The following CASZ1 variants were observed in gnomAD, a reference collection of about 807,000 sequenced individuals.
CASZ1 encodes zinc finger protein castor homolog 1.
In CASZ1, 28 loss-of-function variants were observed where a neutral mutation model predicts 135.2. The observed-to-expected ratio is 0.21, with a 90% CI of 0.15 to 0.28. The LOEUF (loss-of-function observed/expected upper bound fraction) is 0.28. Ranked by LOEUF, CASZ1 falls within the 10% of genes least tolerant of loss-of-function variation. The pLI, the probability that CASZ1 is intolerant of heterozygous loss-of-function variation, is 1.00. For missense variants in CASZ1, 2,161 were observed against 2,453.3 expected (o/e 0.88, Z 2.52); for synonymous variants, 1,068 against 1,073.4 (o/e 0.99, Z 0.10).
chr1:10,687,509 G>GA (rs1638632358), intron 4 of CASZ1, among the ~76,000 whole-genome samples: 1 of 152,270 alleles, frequency 6.6e-6, no homozygotes, highest in Admixed American at 6.5e-5. Context: ...GCAGAGGCCT[G>GA]AAGCCCTGGC....
Position 10,709,965 on chromosome 1 carries a change from G to A in CASZ1, c.-76-4421C>T, listed in dbSNP as rs186594929. On this transcript the variant is annotated intron_variant, in intron 2 of 20. Coordinates refer to ENST00000377022, the MANE Select transcript of CASZ1 (RefSeq NM_001079843.3). The surrounding 1 kb of genome is among the most constrained non-coding windows in gnomAD (Gnocchi z 5.1). The stretch of plus-strand genomic sequence containing the variant: ...GGGTGGCTGTCCAGACCCCGGAGTC[G>A]GAGCAGGCCTCCGGATTGGCTCTGG... Among the ~76,000 whole-genome samples the A allele has an allele frequency of 1.7e-3, 264 of 152,326 alleles. 1 individual carries two copies. The East Asian group carries it at 0.049, about 28-fold the overall frequency.
intron 2 of CASZ1, among the ~76,000 whole-genome samples, chr1:10,758,146 C>T (rs928341427): frequency 2.6e-5 from 4 of 152,164 alleles, no homozygotes; most frequent in Non-Finnish European, 4.4e-5. Flanking sequence ...GCCAGGAGTG[C>T]CAAGCAGTCA....
At chr1:10,695,165 A>G (rs1362143345) in intron 3 of CASZ1, among the ~76,000 whole-genome samples, 1 of 150,944 alleles carries the variant, frequency 6.6e-6, no homozygotes, top group Non-Finnish European at 1.5e-5. Context: ...CTGGAGGAAC[A>G]GGAGCGCGGG....
In CASZ1 at chr1:10,756,463, T is replaced by C. The variant is rs1279453785; in HGVS notation, c.-77+4238A>G. On this transcript the variant is annotated intron_variant, in intron 2 of 20. Coordinates refer to ENST00000377022, the MANE Select transcript of CASZ1 (RefSeq NM_001079843.3). The surrounding 1 kb of genome is among the most constrained non-coding windows in gnomAD (Gnocchi z 5.9). ...CTCACGCGAGCCCGGCAGCCGGCTGTGACAGCTTCACGCTCGCCAACCAGG... is the reference window on the plus strand; with the variant it reads ...CTCACGCGAGCCCGGCAGCCGGCTGCGACAGCTTCACGCTCGCCAACCAGG... 1.3e-5 allele frequency among the ~76,000 whole-genome samples: 2 copies of C among 152,244 alleles called. No homozygotes were observed. The highest frequency in any genetic ancestry group is 1.5e-5 in the Non-Finnish European group (1 of 68,034).
rs1639497561 is a variant in CASZ1, at chr1:10,721,575, A to C, written c.-76-16031T>G. Among the ~76,000 whole-genome samples, 1 of 152,230 alleles carries C rather than the reference A, an allele frequency of 6.6e-6. No individual in the cohort carries two copies. Among genetic ancestry groups the C allele is most frequent in the South Asian group, 2.1e-4 (1 of 4,828 alleles). ...TGGTTCCATGCGGGCATCAAGGAGA[A>C]ACAGGGCAACTGGCTACCTGCCAGC... On this transcript the variant is annotated intron_variant, in intron 2 of 20. Coordinates refer to ENST00000377022, the MANE Select transcript of CASZ1 (RefSeq NM_001079843.3). The surrounding 1 kb of genome is among the most constrained non-coding windows in gnomAD (Gnocchi z 5.4).
chr1:10,655,194 C>CA (rs1236624064), intron 9 of CASZ1, among the ~76,000 whole-genome samples: 12 of 152,200 alleles, frequency 7.9e-5, no homozygotes, highest in African/African-American at 2.9e-4. Context: ...GAGGCCATAA[C>CA]AACTCCTGAC....
At chr1:10,691,351 A>G (rs1459714192) in intron 4 of CASZ1, among the ~76,000 whole-genome samples, 1 of 152,130 alleles carries the variant, frequency 6.6e-6, no homozygotes. Flanking sequence ...GGGGGTCCAC[A>G]TGGCCCCTGA....
At chr1:10,783,485 A>C (rs1640800272) in intron 1 of CASZ1, among the ~76,000 whole-genome samples, 1 of 152,068 alleles carries the variant, frequency 6.6e-6, no homozygotes, top group Non-Finnish European at 1.5e-5. Flanking sequence ...ACTGAAAGTA[A>C]ATCTGGAAAG....
intron 2 of CASZ1, among the ~76,000 whole-genome samples, chr1:10,753,260 A>T (rs1026768751): frequency 1.3e-5 from 2 of 152,194 alleles, no homozygotes; most frequent in Non-Finnish European, 2.9e-5. Flanking sequence ...CGGGGTGAGC[A>T]GGACAGAAGA....
At chr1:10,681,284 C>T (rs767438161) in intron 4 of CASZ1, among the ~76,000 whole-genome samples, 4 of 151,860 alleles carry the variant, frequency 2.6e-5, no homozygotes, top group Non-Finnish European at 5.9e-5. Context: ...CCAGGTGGGT[C>T]GGGATGGTGG....
Position 10,639,774 on chromosome 1 carries a change from C to T in CASZ1, c.4448G>A (p.Arg1483His), listed in dbSNP as rs1642136900. ...GTCGTCCAGCACCAGGTTGTCCACGCGGTCGTGGTGCTGCGCGTGCTTGTA... is the reference window on the plus strand; with the variant it reads ...GTCGTCCAGCACCAGGTTGTCCACGTGGTCGTGGTGCTGCGCGTGCTTGTA... ...HMYKHAQHHD[R>H]VDNLVLDDFK... is the part of the protein sequence containing the mutation. Residue 1483 changes from arginine (R) to histidine (H), a missense_variant, in exon 21 of 21, where the codon CGC becomes CAC. Arg to His is a conservative substitution (Grantham distance 29). Transcript: ENST00000377022. The surrounding 1 kb of genome is among the most constrained non-coding windows in gnomAD (Gnocchi z 4.0). 1.9e-6 allele frequency: 3 copies of T among 1,602,152 alleles called. No individual in the cohort carries two copies. The highest frequency in any genetic ancestry group is 2.6e-6 in the Non-Finnish European group (3 of 1,174,910).
rs1557474840 is a variant in CASZ1, at chr1:10,656,779, C to T, written c.1410-43G>A. On this transcript the variant is annotated intron_variant, in intron 7 of 20. Transcript: ENST00000377022. ...GGGGTCAGGGCCCTGCTGTGGGTGA[C>T]AGTCCCAGCCCCAGCCCCAGCCCCA... 10 of 1,336,980 alleles carry T rather than the reference C, an allele frequency of 7.5e-6. No individual in the cohort carries two copies. The Admixed American group carries it at 2.0e-4, about 26-fold the overall frequency. The allele number at this position is 1,336,980 out of a possible 1,614,324, so 82.8% of individuals were successfully genotyped here. A position where few individuals can be genotyped will look rare whatever the true frequency, so the allele number is the denominator to read the frequency against.
chr1:10,772,236 G>C (rs1166500655), intron 1 of CASZ1, among the ~76,000 whole-genome samples: 1 of 152,216 alleles, frequency 6.6e-6, no homozygotes, highest in Non-Finnish European at 1.5e-5. Context: ...GCCGAAATTA[G>C]AAGGGTCTGC....
At chr1:10,670,779 C>A (rs1201826998) in intron 4 of CASZ1, among the ~76,000 whole-genome samples, 3 of 152,228 alleles carry the variant, frequency 2.0e-5, no homozygotes, top group African/African-American at 7.2e-5. Flanking sequence ...CCCTCCTCTA[C>A]CTCACAGCCC....
chr1:10,783,017 C>T (rs1332432928), intron 1 of CASZ1, among the ~76,000 whole-genome samples: 2 of 152,146 alleles, frequency 1.3e-5, no homozygotes, highest in Non-Finnish European at 2.9e-5. Context: ...GACTCAATTG[C>T]CTTTTCACGG....
At chr1:10,698,835 C>G (rs1358912516) in intron 3 of CASZ1, among the ~76,000 whole-genome samples, 1 of 152,228 alleles carries the variant, frequency 6.6e-6, no homozygotes, top group Admixed American at 6.5e-5. Context: ...TACCAGGAAG[C>G]CTCTAACTCC....
rs1463272775 is a variant in CASZ1, at chr1:10,647,757, G to A, written c.3497+44C>T. 6.2e-7 allele frequency: 1 copy of A among 1,610,112 alleles called. No individual in the cohort carries two copies. The highest frequency in any genetic ancestry group is 8.5e-7 in the Non-Finnish European group (1 of 1,179,954). ...CGCCCTTGCTAGCACCTACTCCCGA[G>A]ACGCGAGGGGAACGCGGGACTCCCG... On this transcript the variant is annotated intron_variant, in intron 16 of 20. Coordinates refer to ENST00000377022, the MANE Select transcript of CASZ1 (RefSeq NM_001079843.3). The surrounding 1 kb of genome is among the most constrained non-coding windows in gnomAD (Gnocchi z 4.9).
At chr1:10,691,863 C>T (rs906644489) in intron 4 of CASZ1, among the ~76,000 whole-genome samples, 4 of 152,202 alleles carry the variant, frequency 2.6e-5, no homozygotes, top group Non-Finnish European at 4.4e-5. Flanking sequence ...GAGATGGTAT[C>T]ACCAGATGAC....
intron 4 of CASZ1, among the ~76,000 whole-genome samples, chr1:10,684,238 G>A (rs1018608720): frequency 6.6e-6 from 1 of 151,352 alleles, no homozygotes; most frequent in Non-Finnish European, 1.5e-5. Flanking sequence ...CAGAAGCCCC[G>A]TCTGGACTGT....
Sources: gnomAD v4.1 joint callset for allele counts (sites outside exome capture counted in the v4.1 genomes callset) on GRCh38, gnomAD v4.1.1 for gene constraint, Gnocchi (gnomAD v3.1) non-coding constraint, MANE v1.5 for transcripts, NCBI Gene and HGNC (gene_info 2026-07-23, HGNC 2026-07-21) for gene names.